The following UNC13C variants were observed in gnomAD, a reference collection of about 807,000 sequenced individuals.
UNC13C encodes protein unc-13 homolog C.
A neutral mutation model predicts 245.4 loss-of-function variants in UNC13C; 174 were observed. That is an observed-to-expected ratio of 0.71 (90% CI 0.63 to 0.80). The LOEUF is 0.80. UNC13C is among the 30% of genes least tolerant of loss of function. UNC13C has a pLI of 0.00. For missense variants in UNC13C, 2,829 were observed against 2,602.9 expected, an observed-to-expected ratio of 1.09 and a Z score of -1.89; for synonymous variants, 992 against 895.1, an observed-to-expected ratio of 1.11 and a Z score of -1.93.
chr15:54,108,344 G>A (rs1046104513), intron 2 of UNC13C, among the ~76,000 whole-genome samples: 3 of 151,960 alleles, frequency 2.0e-5, no homozygotes, highest in African/African-American at 2.4e-5. Flanking sequence ...CCGCCACCAC[G>A]CCTGGCTAAT....
intron 17 of UNC13C, among the ~76,000 whole-genome samples, chr15:54,379,736 A>G (rs1329884970): frequency 6.6e-6 from 1 of 152,206 alleles, no homozygotes; most frequent in East Asian, 1.9e-4. Flanking sequence ...GCAATGGTCA[A>G]TAGGAGCTGT....
intron 19 of UNC13C, among the ~76,000 whole-genome samples, chr15:54,463,351 A>G (rs1012775301): frequency 2.2e-5 from 3 of 135,810 alleles, no homozygotes; most frequent in Non-Finnish European, 4.6e-5. Context: ...GTCCCCTTCC[A>G]CACTGTGGAA....
chr15:53,914,455 A>T, the UNC13C span: 4 of 152,272 alleles, frequency 2.6e-5, no homozygotes, highest in Non-Finnish European at 4.4e-5. Flanking sequence ...CGTCCACAGA[A>T]AGAGAGAGTC....
intron 19 of UNC13C, among the ~76,000 whole-genome samples, chr15:54,449,335 G>T (rs1289802017): frequency 6.6e-6 from 1 of 152,126 alleles, no homozygotes; most frequent in East Asian, 1.9e-4. Context: ...TTGCTAGGTT[G>T]GGGAAGTTCT....
At chr15:54,439,258 C>T (rs1357716492) in intron 19 of UNC13C, among the ~76,000 whole-genome samples, 2 of 152,098 alleles carry the variant, frequency 1.3e-5, no homozygotes, top group Non-Finnish European at 2.9e-5. Flanking sequence ...AATTAATTAC[C>T]TAATCCTTCA....
chr15:54,213,805 A>G (rs1008604862), intron 4 of UNC13C, among the ~76,000 whole-genome samples: 2 of 152,022 alleles, frequency 1.3e-5, no homozygotes, highest in African/African-American at 2.4e-5. Context: ...TAGATTGGGG[A>G]AGACATTTTG....
rs780313881 is a variant in UNC13C, at chr15:54,013,176, A to G, written c.273A>G (p.Thr91=). The G allele has an allele frequency of 6.2e-7, 1 of 1,613,830 alleles. No individual in the cohort carries two copies. The highest frequency in any genetic ancestry group is 8.5e-7 in the Non-Finnish European group (1 of 1,179,848). The change falls in exon 2 of 33, where the codon ACA becomes ACG. Residue 91 remains threonine, a synonymous_variant. Coordinates refer to ENST00000260323, the MANE Select transcript of UNC13C (RefSeq NM_001080534.3). ...EASKEFSLSP[T]FSYRVAIANG... ...GTAAAGAGTTTTCCCTCTCACCAAC[A>G]TTCAGTTACCGAGTAGCTATTGCCA...
At chr15:54,171,283 C>G (rs2033388586) in intron 4 of UNC13C, among the ~76,000 whole-genome samples, 1 of 151,842 alleles carries the variant, frequency 6.6e-6, no homozygotes, top group South Asian at 2.1e-4. Flanking sequence ...CTTCTGCATA[C>G]CAAAGGAAAC....
chr15:54,037,259 A>T (rs184546213), intron 2 of UNC13C, among the ~76,000 whole-genome samples: 1 of 152,122 alleles, frequency 6.6e-6, no homozygotes, highest in East Asian at 1.9e-4. Flanking sequence ...CCTTTTAGGC[A>T]CTCCGGTGAT....
chr15:54,230,619 A>G (rs2035524743), intron 4 of UNC13C, among the ~76,000 whole-genome samples: 1 of 152,084 alleles, frequency 6.6e-6, no homozygotes, highest in Admixed American at 6.6e-5. Context: ...GTCAAGGCAC[A>G]TAGCAATATA....
At chr15:53,955,062 C>T in the UNC13C span, among the ~76,000 whole-genome samples, 1 of 152,098 alleles carries the variant, frequency 6.6e-6, no homozygotes, top group South Asian at 2.1e-4. Context: ...AGAACTGGAA[C>T]ATAGATGTTC....
Position 54,179,067 on chromosome 15 carries a change from A to G in UNC13C, c.3071+35383A>G, listed in dbSNP as rs186612867. 2.0e-5 allele frequency among the ~76,000 whole-genome samples: 3 copies of G among 152,264 alleles called. No homozygotes were observed. The East Asian group carries it at 5.8e-4, about 29-fold the overall frequency. On this transcript the variant is annotated intron_variant, in intron 4 of 32. Transcript: ENST00000260323. The stretch of plus-strand genomic sequence containing the variant: ...GAAGCTTGGAACATGCCTGAATAAC[A>G]TGAATGAAGCACCAACCCAGCCAAT...
chr15:54,311,665 A>C (rs1402412852), intron 13 of UNC13C, among the ~76,000 whole-genome samples: 1 of 151,766 alleles, frequency 6.6e-6, no homozygotes, highest in Non-Finnish European at 1.5e-5. Context: ...AGTAATATTA[A>C]ACTGGTATCT....
chr15:54,584,288 A>G (rs1367600460), intron 30 of UNC13C, among the ~76,000 whole-genome samples: 2 of 152,232 alleles, frequency 1.3e-5, no homozygotes, highest in Non-Finnish European at 2.9e-5. Context: ...AGAACACACT[A>G]GACCTATTCT....
At position 54,250,284 on chromosome 15, in the gene UNC13C, C is replaced by T; in HGVS notation, c.3288C>T (p.Ile1096=). The change falls in exon 8 of 33, where the codon ATC becomes ATT. Residue 1096 remains isoleucine (I), a synonymous_variant. Transcript: ENST00000260323. ...QALIYPMSST[I]PHNFEVWTAT... ...TGATCTACCCTATGTCTTCTACCAT[C>T]CCACACAATTTTGAGGTCTGGACGG... The T allele has an allele frequency of 6.2e-7, 1 of 1,613,984 alleles. No individual in the cohort carries two copies. Among genetic ancestry groups the T allele is most frequent in the Middle Eastern group, 1.6e-4 (1 of 6,062 alleles).
At chr15:53,856,163 A>T in the UNC13C span, among the ~76,000 whole-genome samples, 5 of 151,768 alleles carry the variant, frequency 3.3e-5, no homozygotes, top group African/African-American at 1.2e-4. Context: ...GAACGTGTTT[A>T]TTTTATTCTT....
the UNC13C span, among the ~76,000 whole-genome samples, chr15:53,870,088 C>G: frequency 6.6e-6 from 1 of 152,166 alleles, no homozygotes; most frequent in African/African-American, 2.4e-5. Flanking sequence ...GACTGTACTC[C>G]TACGCTTACA....
chr15:54,471,158 CT>C (rs1892441908), intron 19 of UNC13C, among the ~76,000 whole-genome samples: 1 of 151,496 alleles, frequency 6.6e-6, no homozygotes, highest in African/African-American at 2.4e-5. Context: ...TCTGTATGCA[CT>C]TGGAAAGAAT....
chr15:54,461,478 T>G, intron 19 of UNC13C, among the ~76,000 whole-genome samples: 1 of 152,224 alleles, frequency 6.6e-6, no homozygotes, highest in East Asian at 1.9e-4. Flanking sequence ...TCTAGCAAAA[T>G]ATTTTGTTAG....
Sources: allele counts gnomAD v4.1 joint callset (sites outside exome capture counted in the v4.1 genomes callset), GRCh38; gene constraint gnomAD v4.1.1; transcripts MANE v1.5; gene names NCBI Gene and HGNC (gene_info 2026-07-23, HGNC 2026-07-21).